Variants in UBR1 observed in about 807,000 individuals in gnomAD.
The protein encoded by UBR1 is E3 ubiquitin-protein ligase UBR1.
Under a neutral mutation model 242.1 loss-of-function variants are expected in UBR1, and 102 were observed. The observed-to-expected ratio is 0.42, with a 90% CI of 0.36 to 0.50. UBR1 has a LOEUF of 0.50. Among genes scored for constraint, UBR1 ranks in the 20% least tolerant of loss-of-function variants. The pLI, the probability that UBR1 is intolerant of heterozygous loss-of-function variation, is 0.01. For missense variants in UBR1, 1,772 were observed against 2,101.8 expected (o/e 0.84, Z 3.07); for synonymous variants, 675 against 684.8 (o/e 0.99, Z 0.22).
chr15:43,036,617 A>T, intron 17 of UBR1, 24 bp from the exon 18 acceptor site: 1 of 1,430,392 alleles, frequency 7.0e-7, no homozygotes, highest in Non-Finnish European at 9.8e-7. Context: ...GGTAGAATAA[A>T]TCCTAAAAGA....
At position 42,945,485 on chromosome 15, in the gene UBR1, G is replaced by T. The variant is rs752286106; in HGVS notation, c.5109-15C>A. On this transcript the variant is annotated splice_polypyrimidine_tract_variant and intron_variant, in intron 46 of 46. Transcript: ENST00000290650. Reference sequence around the variant, plus strand: ...GGTTGCCCCTCCTTTAGGGAAAAAAGAAAAAACAACATGTAAGTTTGAATC... The same window carrying T: ...GGTTGCCCCTCCTTTAGGGAAAAAATAAAAAACAACATGTAAGTTTGAATC... The T allele has an allele frequency of 2.5e-6, 4 of 1,613,566 alleles. No homozygotes were observed. Among genetic ancestry groups the T allele is most frequent in the Non-Finnish European group, 3.4e-6 (4 of 1,179,794 alleles).
chr15:42,953,878 AT>A (rs1213303891), intron 44 of UBR1, among the ~76,000 whole-genome samples: 1 of 147,788 alleles, frequency 6.8e-6, no homozygotes, highest in Non-Finnish European at 1.5e-5. Flanking sequence ...ACAACTTGAT[AT>A]TCTTTTTTTT....
intron 13 of UBR1, among the ~76,000 whole-genome samples, chr15:43,047,935 G>A (rs907445294): frequency 3.9e-5 from 6 of 152,146 alleles, no homozygotes; most frequent in Non-Finnish European, 8.8e-5. Flanking sequence ...AGTAGGCCGG[G>A]CATGGCAGCT....
chr15:43,099,814 C>T (rs188252852), intron 1 of UBR1, among the ~76,000 whole-genome samples: 14 of 151,792 alleles, frequency 9.2e-5, no homozygotes, highest in Non-Finnish European at 1.6e-4. Flanking sequence ...CAGTCTGAGA[C>T]ACGCTACATA....
intron 14 of UBR1, among the ~76,000 whole-genome samples, chr15:43,045,473 C>A (rs893730935): frequency 1.3e-5 from 2 of 151,742 alleles, no homozygotes; most frequent in African/African-American, 2.4e-5. Context: ...TCTCTAAAAA[C>A]ACACACACAC....
At chr15:42,956,291 T>C (rs886693865) in intron 44 of UBR1, among the ~76,000 whole-genome samples, 3 of 152,198 alleles carry the variant, frequency 2.0e-5, no homozygotes, top group African/African-American at 7.2e-5. Flanking sequence ...GAAACAACTG[T>C]TGAGCCAGCA....
chr15:43,070,911 C>G lies in UBR1; in HGVS notation c.543G>C (p.Pro181=). 6.2e-7 allele frequency: 1 copy of G among 1,613,272 alleles called. No homozygotes were observed. Among genetic ancestry groups the G allele is most frequent in the Non-Finnish European group, 8.5e-7 (1 of 1,179,936 alleles). The stretch of plus-strand genomic sequence containing the variant: ...CTTGGACAATTACCTCTTCATTCAA[C>G]GGACAGCGTGAATTCTATAAAAAAG... ...AGTIKENSRC[P]LNEEVIVQAR... Residue 181 remains proline (P), a synonymous_variant, in exon 5 of 47, where the codon CCG becomes CCC. Transcript: ENST00000290650.
At position 43,044,826 on chromosome 15, in the gene UBR1, C is replaced by T. The variant is rs147293088; in HGVS notation, c.1669-1431G>A. On this transcript the variant is annotated intron_variant, in intron 14 of 46. Transcript: ENST00000290650. ...AGCAGAACCGCTTGAACCCAGGAGG[C>T]GGAGGTTGCAGTGAGCCAAGTTCGT... Among the ~76,000 whole-genome samples, 1,097 of 152,110 alleles carry T rather than the reference C, an allele frequency of 7.2e-3. 5 individuals carry two copies. Among genetic ancestry groups the T allele is most frequent in the Non-Finnish European group, 0.011 (736 of 68,016 alleles).
At chr15:42,972,454 CGCCTCCTGGGTTCCAGCGATTCTCCT>C (rs1368087639) in intron 39 of UBR1, among the ~76,000 whole-genome samples, 1 of 151,994 alleles carries the variant, frequency 6.6e-6, no homozygotes, top group African/African-American at 2.4e-5. Flanking sequence ...CTGCAACCCC[CGCCTCCTGGGTTCCAGCGATTCTCCT>C]GCCTCAGCCT....
intron 44 of UBR1, among the ~76,000 whole-genome samples, chr15:42,956,576 A>G (rs1376608882): frequency 6.6e-6 from 1 of 152,042 alleles, no homozygotes; most frequent in Non-Finnish European, 1.5e-5. Flanking sequence ...TCCACCCACC[A>G]TGGCCTCCCA....
intron 20 of UBR1, among the ~76,000 whole-genome samples, chr15:43,031,873 T>C (rs1245464087): frequency 6.6e-6 from 1 of 151,854 alleles, no homozygotes; most frequent in Admixed American, 6.6e-5. Context: ...AATATATACA[T>C]ATATACAAAA....
chr15:43,060,206 T>C, intron 6 of UBR1, 92 bp from the exon 7 acceptor site: 1 of 1,186,706 alleles, frequency 8.4e-7, no homozygotes, highest in South Asian at 1.2e-5. Context: ...AGCTCTTAAC[T>C]GAGCTCTAAT....
rs753976041 is a variant in UBR1, at chr15:43,068,015, A to G, written c.681T>C (p.Tyr227=). The change falls in exon 6 of 47, where the codon TAT becomes TAC. Residue 227 remains tyrosine (Y), a synonymous_variant. Coordinates refer to ENST00000290650, the MANE Select transcript of UBR1 (RefSeq NM_174916.3). ...LQIREKNERY[Y]CVLFNDEHHS... The stretch of plus-strand genomic sequence containing the variant: ...GGTGTTCATCATTGAAAAGGACACA[A>G]TAGTATCTTTCATTTTTCTCCCTGT... The G allele has an allele frequency of 5.6e-6, 9 of 1,610,104 alleles. No individual in the cohort carries two copies. The highest frequency in any genetic ancestry group is 3.3e-5 in the South Asian group (3 of 90,706).
chr15:43,035,185 A>G (rs1350111928), intron 19 of UBR1, among the ~76,000 whole-genome samples: 1 of 152,228 alleles, frequency 6.6e-6, no homozygotes, highest in Non-Finnish European at 1.5e-5. Context: ...ATTACAAAAC[A>G]GCACATTCAC....
intron 22 of UBR1, among the ~76,000 whole-genome samples, chr15:43,027,273 T>C (rs1040650432): frequency 6.6e-6 from 1 of 152,102 alleles, no homozygotes; most frequent in African/African-American, 2.4e-5. Flanking sequence ...TATTTGAAAC[T>C]AGTAATGTAT....
At chr15:43,032,370 T>G (rs2141312758) in intron 20 of UBR1, among the ~76,000 whole-genome samples, 198 bp downstream of exon 20, 1 of 152,250 alleles carries the variant, frequency 6.6e-6, no homozygotes, top group East Asian at 1.9e-4. Flanking sequence ...TTTTTAGCAC[T>G]AAAGGACCTC....
chr15:43,024,721 T>A (rs769560615), intron 25 of UBR1, 108 bp downstream of exon 25: 1 of 1,499,640 alleles, frequency 6.7e-7, no homozygotes. Context: ...GACCCCTATG[T>A]TTCCGGTGCT....
In UBR1 at chr15:42,943,271, C is replaced by T. The variant is rs951224625; in HGVS notation, c.*2058G>A. On this transcript the variant is annotated 3_prime_UTR_variant, in exon 47 of 47. Transcript: ENST00000290650. ...CTGGAGCCATCCTGTTGAACCAGTG[C>T]CTTCACATACTACACTAAAGAAAAT... 6.6e-6 allele frequency: 1 copy of T among 152,630 alleles called. No homozygotes were observed. The highest frequency in any genetic ancestry group is 1.5e-5 in the Non-Finnish European group (1 of 68,046). 9.5% of individuals were successfully genotyped at this position (152,630 alleles called of 1,614,324 possible).
chr15:42,952,482 G>A (rs1455589637), intron 44 of UBR1, 34 bp from the exon 45 acceptor site: 35 of 1,612,486 alleles, frequency 2.2e-5, no homozygotes, highest in Non-Finnish European at 2.8e-5. Context: ...GAGAATGATG[G>A]AAAAACAAAA....
Sources: allele counts gnomAD v4.1 joint callset (sites outside exome capture counted in the v4.1 genomes callset), GRCh38; gene constraint gnomAD v4.1.1; transcripts MANE v1.5; gene names NCBI Gene and HGNC (gene_info 2026-07-23, HGNC 2026-07-21).